The following UTP18 variants were observed in gnomAD, a reference collection of about 807,000 sequenced individuals.
UTP18 encodes the protein UTP18 small subunit processome component.
A neutral mutation model predicts 61.1 loss-of-function variants in UTP18; 36 were observed. The observed-to-expected ratio is 0.59, with a 90% CI of 0.45 to 0.78. The LOEUF (loss-of-function observed/expected upper bound fraction) is 0.78, where lower values mean the gene tolerates loss of function less well. Ranked by LOEUF, UTP18 falls within the 30% of genes least tolerant of loss-of-function variation. The probability of loss-of-function intolerance (pLI) is 0.00; values close to 1 mark genes in which losing one functional copy is unlikely to be tolerated. For synonymous variants in UTP18, 282 were observed against 251.1 expected (o/e 1.12, Z -1.16); for missense variants, 753 against 693.9 (o/e 1.09, Z -0.96).
intron 12 of UTP18, among the ~76,000 whole-genome samples, chr17:51,295,652 C>G (rs1905349880): frequency 6.6e-6 from 1 of 152,138 alleles, no homozygotes; most frequent in Non-Finnish European, 1.5e-5. Context: ...CAGCTTTGTT[C>G]TTTTGGCTTA....
rs375350032 is a variant in UTP18 at position 51,277,219 on chromosome 17, A to C, written c.927A>C (p.Glu309Asp). 4 of 1,614,160 alleles carry C rather than the reference A, an allele frequency of 2.5e-6. No homozygotes were observed. The highest frequency in any genetic ancestry group is 3.4e-6 in the Non-Finnish European group (4 of 1,180,026). ...CTTGTTTTAGTGCTAATGGGGAAGA[A>C]GTTTTAGCCACGAGTACCCACAGCA... ...FKACFSANGE[E>D]VLATSTHSKV... Residue 309 changes from glutamate to aspartate, a missense_variant, in exon 7 of 14, where the codon GAA (glutamate) becomes GAC (aspartate). Physicochemically the swap from Glu to Asp is conservative, Grantham distance 45 (BLOSUM62 2). Coordinates refer to ENST00000225298, the MANE Select transcript of UTP18 (RefSeq NM_016001.3).
At chr17:51,282,493 G>A (rs1009995350) in intron 9 of UTP18, among the ~76,000 whole-genome samples, 1 of 135,120 alleles carries the variant, frequency 7.4e-6, no homozygotes, top group Non-Finnish European at 1.5e-5. Flanking sequence ...GGGAGGGAGG[G>A]AAGGAAGGAA....
chr17:51,280,020 T>C lies in UTP18; in HGVS notation c.1028T>C (p.Ile343Thr). The C allele has an allele frequency of 6.2e-7, 1 of 1,613,372 alleles. No individual in the cohort carries two copies. The highest frequency in any genetic ancestry group is 8.5e-7 in the Non-Finnish European group (1 of 1,179,702). The change falls in exon 8 of 14, where the codon ATA becomes ACA. Residue 343 changes from isoleucine to threonine, a missense_variant. Ile to Thr is a moderately conservative substitution (Grantham distance 89, BLOSUM62 -1). Transcript: ENST00000225298. Reference sequence around the variant, plus strand: ...CCTATTTTAGGTTTGAAAGAGAAGATAGTGAGGAGCTTTGAAGTCTCCCCA... The same window carrying C: ...CCTATTTTAGGTTTGAAAGAGAAGACAGTGAGGAGCTTTGAAGTCTCCCCA... ...VHQVRGLKEK[I>T]VRSFEVSPDG...
chr17:51,283,369 T>C (rs1260019518), intron 9 of UTP18, among the ~76,000 whole-genome samples: 1 of 152,070 alleles, frequency 6.6e-6, no homozygotes. Flanking sequence ...GGTTTCATCA[T>C]GTTGGCCAGG....
intron 5 of UTP18, 90 bp downstream of exon 5, chr17:51,273,540 TATC>T: frequency 1.2e-6 from 1 of 845,074 alleles, no homozygotes; most frequent in Non-Finnish European, 1.8e-6. Flanking sequence ...GGATTCCTAT[TATC>T]TGTGGGGTTA....
chr17:51,263,445 G>C, intron 2 of UTP18, 59 bp downstream of exon 2: 1 of 1,252,282 alleles, frequency 8.0e-7, no homozygotes, highest in East Asian at 2.4e-5. Flanking sequence ...TTATTTTGCA[G>C]ATTTTAAAAT....
intron 11 of UTP18, among the ~76,000 whole-genome samples, chr17:51,289,199 T>TG: frequency 1.1e-5 from 1 of 93,256 alleles, no homozygotes; most frequent in Admixed American, 1.0e-4. Context: ...CTGTTTTTTT[T>TG]GTTTTTTTTT....
chr17:51,287,974 T>C, intron 10 of UTP18, 55 bp from the exon 11 acceptor site: 1 of 1,345,014 alleles, frequency 7.4e-7, no homozygotes, highest in South Asian at 1.8e-5. Context: ...TCACTTAGGT[T>C]GTGAAAGCCC....
chr17:51,291,738 CAAAAA>C (rs373296052), intron 11 of UTP18, among the ~76,000 whole-genome samples: 66 of 97,090 alleles, frequency 6.8e-4, no homozygotes, highest in African/African-American at 1.8e-3. Context: ...GACTTGATCT[CAAAAA>C]AAAAAAAAAA....
In UTP18 at chr17:51,288,147, C is replaced by T; in HGVS notation, c.1447C>T (p.Pro483Ser). Residue 483 changes from proline (P) to serine (S), a missense_variant, in exon 11 of 14, where the codon CCT becomes TCT. Pro to Ser is a moderately conservative substitution (Grantham distance 74). Coordinates refer to ENST00000225298, the MANE Select transcript of UTP18 (RefSeq NM_016001.3). Reference protein sequence around the residue: ...VTGVTSLTFNPTTEILAIASE... With the variant: ...VTGVTSLTFNSTTEILAIASE... ...AGGTGTTACTTCTCTGACCTTCAATCCTACTACAGAAATCTTGGCAATTGC... is the reference window on the plus strand; with the variant it reads ...AGGTGTTACTTCTCTGACCTTCAATTCTACTACAGAAATCTTGGCAATTGC... The T allele has an allele frequency of 6.2e-7, 1 of 1,606,602 alleles. No individual in the cohort carries two copies. Among genetic ancestry groups the T allele is most frequent in the Non-Finnish European group, 8.5e-7 (1 of 1,178,222 alleles).
At chr17:51,295,534 C>T (rs184968621) in intron 12 of UTP18, among the ~76,000 whole-genome samples, 2 of 151,880 alleles carry the variant, frequency 1.3e-5, no homozygotes, top group African/African-American at 2.4e-5. Flanking sequence ...ATTTCTGAGG[C>T]CTCTGTTCTG....
At chr17:51,278,182 A>G (rs978360233) in intron 7 of UTP18, among the ~76,000 whole-genome samples, 7 of 152,126 alleles carry the variant, frequency 4.6e-5, no homozygotes, top group Admixed American at 4.6e-4. Context: ...GGTTTACCCT[A>G]AGGCAGAGCT....
intron 9 of UTP18, among the ~76,000 whole-genome samples, chr17:51,281,192 G>C (rs1904909992): frequency 6.7e-6 from 1 of 148,438 alleles, no homozygotes; most frequent in Admixed American, 6.7e-5. Flanking sequence ...GTTGTGTTTG[G>C]TTTTAAAGTT....
chr17:51,261,051 C>G, intron 1 of UTP18, 125 bp downstream of exon 1: 1 of 896,928 alleles, frequency 1.1e-6, no homozygotes, highest in Admixed American at 4.4e-5. Flanking sequence ...GGAGGGAGCC[C>G]GAGAACGCGG....
At chr17:51,274,935 C>T (rs1183008649) in intron 5 of UTP18, among the ~76,000 whole-genome samples, 5 of 151,816 alleles carry the variant, frequency 3.3e-5, no homozygotes, top group Admixed American at 6.6e-5. Flanking sequence ...CAGTGGCTCA[C>T]GCCTGTAATC....
chr17:51,261,463 C>T (rs9904690), intron 1 of UTP18, among the ~76,000 whole-genome samples: 3,553 of 152,252 alleles, frequency 0.023, 134 homozygotes, highest in African/African-American at 0.079. Context: ...CAATGGCAAA[C>T]CCTGCGTGAT....
chr17:51,294,265 T>A (rs1371828827), intron 12 of UTP18, among the ~76,000 whole-genome samples: 1 of 152,058 alleles, frequency 6.6e-6, no homozygotes, highest in African/African-American at 2.4e-5. Flanking sequence ...TTGTTACATA[T>A]GTATACATGT....
rs180839850 is a variant in UTP18 at position 51,281,364 on chromosome 17, A to T, written c.1204+885A>T. ...TATTTAAAAGATTATTCAGGGGTAA[A>T]TCATTCTCCTATGATTCCCCATGCT... On this transcript the variant is annotated intron_variant, in intron 9 of 13. Coordinates refer to ENST00000225298, the MANE Select transcript of UTP18 (RefSeq NM_016001.3). Among the ~76,000 whole-genome samples the T allele has an allele frequency of 4.6e-3, 704 of 152,122 alleles. 2 individuals are homozygous for T. The highest frequency in any genetic ancestry group is 7.1e-3 in the Non-Finnish European group (486 of 68,000).
At chr17:51,272,727 GGTA>G (rs1171512240) in intron 4 of UTP18, among the ~76,000 whole-genome samples, 2 of 152,288 alleles carry the variant, frequency 1.3e-5, no homozygotes, top group Middle Eastern at 3.4e-3. Context: ...TAATCCTAGT[GGTA>G]GCCCTTTGTG....
Sources: allele counts gnomAD v4.1 joint callset (sites outside exome capture counted in the v4.1 genomes callset), GRCh38; gene constraint gnomAD v4.1.1; transcripts MANE v1.5; gene names NCBI Gene and HGNC (gene_info 2026-07-23, HGNC 2026-07-21).